PTPRB: variants seen among roughly 807,000 people sequenced by gnomAD.
The protein encoded by PTPRB is receptor-type tyrosine-protein phosphatase beta.
PTPRB carries 97 observed loss-of-function variants against 238.1 expected under a neutral mutation model. That is an observed-to-expected ratio of 0.41 (90% CI 0.35 to 0.48). The LOEUF (loss-of-function observed/expected upper bound fraction) is 0.48. Ranked by LOEUF, PTPRB falls within the 20% of genes least tolerant of loss-of-function variation. PTPRB has a pLI of 0.30. For synonymous variants in PTPRB, 970 were observed against 995.4 expected, an observed-to-expected ratio of 0.97 and a Z score of 0.48; for missense variants, 2,292 against 2,681.9, an observed-to-expected ratio of 0.85 and a Z score of 3.21.
intron 21 of PTPRB, among the ~76,000 whole-genome samples, chr12:70,546,008 G>A (rs944632422): frequency 5.9e-5 from 9 of 151,990 alleles, no homozygotes; most frequent in East Asian, 1.9e-4. Context: ...ATGGTGGCGG[G>A]CACCTGTAAT....
rs372578217 is a variant in PTPRB at position 70,594,489 on chromosome 12, G to A, written c.1494C>T (p.Tyr498=). Residue 498 remains tyrosine, a synonymous_variant, in exon 6 of 34, where the codon TAC becomes TAT. Coordinates refer to ENST00000334414, the MANE Select transcript of PTPRB (RefSeq NM_001109754.4). Reference sequence around the variant, plus strand: ...TACCTGTCCTGACTAGTTTCCACCTGTAGTTTTGCAGCCCTGCAGCCTCAG... The same window carrying A: ...TACCTGTCCTGACTAGTTTCCACCTATAGTTTTGCAGCCCTGCAGCCTCAG... ...VMTEAAGLQN[Y]RWKLVRTAPM... 4 of 1,614,006 alleles carry A rather than the reference G, an allele frequency of 2.5e-6. No homozygotes were observed. The African/African-American group carries it at 5.3e-5, about 22-fold the overall frequency.
chr12:70,537,387 G>A (rs1874332222), intron 28 of PTPRB, among the ~76,000 whole-genome samples: 1 of 151,754 alleles, frequency 6.6e-6, no homozygotes, highest in Admixed American at 6.6e-5. Context: ...CTCAGATGGC[G>A]CAGACATCTT....
chr12:70,552,131 ATTTT>A (rs1354913842), intron 21 of PTPRB, among the ~76,000 whole-genome samples: 1 of 152,156 alleles, frequency 6.6e-6, no homozygotes, highest in African/African-American at 2.4e-5. Context: ...AAACTCAGTC[ATTTT>A]ATTTGGAAAT....
intron 3 of PTPRB, among the ~76,000 whole-genome samples, chr12:70,620,996 C>T (rs1884904781): frequency 1.3e-5 from 2 of 152,104 alleles, no homozygotes; most frequent in African/African-American, 4.8e-5. Flanking sequence ...GTAACTTTAA[C>T]TAAATTTAAA....
chr12:70,567,381 T>C (rs536152472), intron 14 of PTPRB, among the ~76,000 whole-genome samples: 4 of 152,198 alleles, frequency 2.6e-5, no homozygotes, highest in Non-Finnish European at 5.9e-5. Flanking sequence ...ACCACAGACA[T>C]CCAACACTCA....
intron 4 of PTPRB, among the ~76,000 whole-genome samples, chr12:70,602,391 ATT>A (rs1883583627): frequency 6.6e-6 from 1 of 152,170 alleles, no homozygotes; most frequent in African/African-American, 2.4e-5. Flanking sequence ...CTTTTTCAAT[ATT>A]ATCTAAAATG....
rs1878280006 is a variant in PTPRB, at chr12:70,560,028, G to T, written c.4433-404C>A. Among the ~76,000 whole-genome samples the T allele has an allele frequency of 6.6e-6, 1 of 151,780 alleles. No homozygotes were observed. The stretch of plus-strand genomic sequence containing the variant: ...ATTGTTGTATTTTTAGTAGAGACAG[G>T]GTTTCCTCTCGTTGACCAGGCTGGT... On this transcript the variant is annotated intron_variant, in intron 17 of 33. Coordinates refer to ENST00000334414, the MANE Select transcript of PTPRB (RefSeq NM_001109754.4). The surrounding 1 kb of genome is among the most constrained non-coding windows in gnomAD (Gnocchi z 4.2).
At chr12:70,604,102 G>A (rs978609309) in intron 4 of PTPRB, among the ~76,000 whole-genome samples, 2 of 152,106 alleles carry the variant, frequency 1.3e-5, no homozygotes, top group African/African-American at 2.4e-5. Flanking sequence ...CTAGCTGGGT[G>A]TGGTATTGGG....
chr12:70,539,764 T>C, intron 25 of PTPRB, 58 bp from the exon 26 acceptor site: 3 of 1,593,742 alleles, frequency 1.9e-6, no homozygotes, highest in Non-Finnish European at 2.6e-6. Flanking sequence ...GAAAGTGCCA[T>C]AACTATTCTG....
chr12:70,523,325 A>C (rs1871888380), intron 33 of PTPRB, among the ~76,000 whole-genome samples: 1 of 151,976 alleles, frequency 6.6e-6, no homozygotes, highest in African/African-American at 2.4e-5. Context: ...TTAATTTTTA[A>C]ATTTATTGTA....
At chr12:70,572,127 CTGAG>C (rs1880135922) in intron 11 of PTPRB, 40 bp from the exon 12 acceptor site, 13 of 1,522,710 alleles carry the variant, frequency 8.5e-6, no homozygotes, top group Non-Finnish European at 1.2e-5. Flanking sequence ...TTTATGAATT[CTGAG>C]TGAGTAATTG....
At position 70,574,969 on chromosome 12, in the gene PTPRB, C is replaced by T. The variant is rs141902268; in HGVS notation, c.2842+1413G>A. Among the ~76,000 whole-genome samples the T allele has an allele frequency of 5.5e-3, 843 of 152,302 alleles. 9 individuals are homozygous for T. The highest frequency in any genetic ancestry group is 0.02 in the Middle Eastern group (6 of 294). The stretch of plus-strand genomic sequence containing the variant: ...GCAAGGGGTTGGTAGTTAGGTAACA[C>T]ATCCTTTAATTTCTGGTGATTTTTA... On this transcript the variant is annotated intron_variant, in intron 11 of 33. Coordinates refer to ENST00000334414, the MANE Select transcript of PTPRB (RefSeq NM_001109754.4).
chr12:70,553,274 A>G (rs1394956718), intron 20 of PTPRB, among the ~76,000 whole-genome samples: 1 of 152,202 alleles, frequency 6.6e-6, no homozygotes, highest in East Asian at 1.9e-4. Flanking sequence ...AGGAAATAAA[A>G]TAAGGGTAGC....
intron 2 of PTPRB, among the ~76,000 whole-genome samples, chr12:70,633,207 G>A (rs770240668): frequency 1.2e-4 from 18 of 152,210 alleles, no homozygotes; most frequent in Non-Finnish European, 2.4e-4. Context: ...AATGCATTTC[G>A]GTTAATTTTT....
At chr12:70,612,272 C>T (rs1046661415) in intron 3 of PTPRB, among the ~76,000 whole-genome samples, 2 of 152,036 alleles carry the variant, frequency 1.3e-5, no homozygotes, top group African/African-American at 2.4e-5. Context: ...AGGCTTTTAC[C>T]GATAACATTT....
intron 3 of PTPRB, among the ~76,000 whole-genome samples, chr12:70,617,350 C>A (rs576797538): frequency 2.6e-5 from 4 of 152,136 alleles, no homozygotes; most frequent in Non-Finnish European, 4.4e-5. Flanking sequence ...TCTTTTGAAA[C>A]GTATCCTCCC....
rs192182815 is a variant in PTPRB at position 70,552,908 on chromosome 12, G to C, written c.5256C>G (p.Ala1752=). ...TCTTGGAGTTGCTGTTAGGATTTTCGGCACATTTGCTGGCAAAATAATTAG... is the reference window on the plus strand; with the variant it reads ...TCTTGGAGTTGCTGTTAGGATTTTCCGCACATTTGCTGGCAAAATAATTAG... ...YQTNYFASKC[A]ENPNSNSKSF... is the part of the protein sequence containing the mutation. Residue 1752 remains alanine, a synonymous_variant, in exon 21 of 34, where the codon GCC becomes GCG. Coordinates refer to ENST00000334414, the MANE Select transcript of PTPRB (RefSeq NM_001109754.4). 6.2e-7 allele frequency: 1 copy of C among 1,613,882 alleles called. No individual in the cohort carries two copies. Among genetic ancestry groups the C allele is most frequent in the Non-Finnish European group, 8.5e-7 (1 of 1,179,870 alleles).
chr12:70,582,784 GA>G (rs997330434), intron 9 of PTPRB, among the ~76,000 whole-genome samples: 34 of 151,982 alleles, frequency 2.2e-4, no homozygotes, highest in African/African-American at 7.5e-4. Context: ...ATTTATGAAA[GA>G]AAAAAACTGA....
intron 3 of PTPRB, among the ~76,000 whole-genome samples, chr12:70,621,849 C>A (rs1884950163): frequency 1.3e-5 from 2 of 152,186 alleles, no homozygotes; most frequent in African/African-American, 4.8e-5. Flanking sequence ...GAACAGACTC[C>A]TATGATGGTG....
Sources: allele counts gnomAD v4.1 joint callset (sites outside exome capture counted in the v4.1 genomes callset), GRCh38; gene constraint gnomAD v4.1.1; non-coding constraint Gnocchi (gnomAD v3.1); transcripts MANE v1.5; gene names NCBI Gene and HGNC (gene_info 2026-07-23, HGNC 2026-07-21).